The following DOCK7 variants were observed in gnomAD, a reference collection of about 807,000 sequenced individuals.
DOCK7 encodes dedicator of cytokinesis protein 7.
Under a neutral mutation model 271.0 loss-of-function variants are expected in DOCK7, and 138 were observed. The observed-to-expected ratio is 0.51, with a 90% CI of 0.44 to 0.59. The LOEUF is 0.59. Among genes scored for constraint, DOCK7 ranks in the 20% least tolerant of loss-of-function variants. DOCK7 has a pLI of 0.00. For synonymous variants in DOCK7, 823 were observed against 876.1 expected (o/e 0.94, Z 1.07); for missense variants, 2,066 against 2,592.4 (o/e 0.80, Z 4.41).
intron 14 of DOCK7, among the ~76,000 whole-genome samples, chr1:62,613,435 G>C (rs761753661): frequency 1.3e-5 from 2 of 152,026 alleles, no homozygotes; most frequent in Non-Finnish European, 2.9e-5. Flanking sequence ...GGAGGCGCGG[G>C]GAACGACAGA....
In DOCK7 at chr1:62,528,295, A is replaced by T. The variant is rs1465897501; in HGVS notation, c.3792T>A (p.Asn1264Lys). The T allele has an allele frequency of 6.2e-7, 1 of 1,608,854 alleles. No individual in the cohort carries two copies. Among genetic ancestry groups the T allele is most frequent in the East Asian group, 2.2e-5 (1 of 44,728 alleles). ...CTATACAAATTGGTCTTCCTCGTTG[A>T]TTGTGAGTTTCTAAAGAAAAATAAT... is the stretch of plus-strand genomic sequence containing the variant. Reference protein sequence around the residue: ...PQLYDFTETHNQRGRPICIAT... With the variant: ...PQLYDFTETHKQRGRPICIAT... The change falls in exon 31 of 50, where the codon AAT becomes AAA. Residue 1264 changes from asparagine to lysine, a missense_variant. Transcript: ENST00000635253.
chr1:62,524,492 A>C lies in DOCK7; in HGVS notation c.3936+3659T>G, dbSNP rs545267746. 5.2e-4 allele frequency among the ~76,000 whole-genome samples: 79 copies of C among 152,358 alleles called. 2 individuals carry two copies. In the South Asian group the frequency reaches 0.015, roughly 29 times the overall value. On this transcript the variant is annotated intron_variant, in intron 31 of 49. Coordinates refer to ENST00000635253, the MANE Select transcript of DOCK7 (RefSeq NM_001367561.1). ...CATGCACCTATCAACAGAATGGGCAAATAAACTGATTTATAGTTAGACAAT... is the reference window on the plus strand; with the variant it reads ...CATGCACCTATCAACAGAATGGGCACATAAACTGATTTATAGTTAGACAAT...
intron 28 of DOCK7, 70 bp from the exon 29 acceptor site, chr1:62,535,702 T>A (rs981800051): frequency 6.3e-6 from 9 of 1,428,522 alleles, no homozygotes; most frequent in South Asian, 3.0e-5. Flanking sequence ...CAGAGCAATA[T>A]AAGAAATGAA....
At chr1:62,625,679 T>C (rs991178739) in intron 11 of DOCK7, among the ~76,000 whole-genome samples, 7 of 152,242 alleles carry the variant, frequency 4.6e-5, no homozygotes, top group Non-Finnish European at 8.8e-5. Context: ...ATAGAGGAAG[T>C]ATGCATTTAC....
rs1286457661 is a variant in DOCK7 at position 62,553,342 on chromosome 1, ATATATATATATATTTTTTTTTTTTTTTT to A, written c.2597-469_2597-442del. On this transcript the variant is annotated intron_variant, in intron 21 of 49. Transcript: ENST00000635253. ...TATATATATATATATATATATATAT[ATATATATATATATTTTTTTTTTTTTTTT>A]TTTTTTTTTTTTTTTAATAGGCAGG... Among the ~76,000 whole-genome samples the A allele has an allele frequency of 2.0e-3, 67 of 33,036 alleles. 3 individuals are homozygous for A. The highest frequency in any genetic ancestry group is 8.4e-3 in the South Asian group (6 of 718). 21.7% of individuals were successfully genotyped at this position (33,036 alleles called of 152,430 possible). A position where few individuals can be genotyped will look rare whatever the true frequency, so the allele number is the denominator to read the frequency against.
rs1434134905 is a variant in DOCK7 at position 62,513,442 on chromosome 1, AC to A, written c.4282+1del. On this transcript the variant is annotated splice_donor_variant, in intron 33 of 49. Coordinates refer to ENST00000635253, the MANE Select transcript of DOCK7 (RefSeq NM_001367561.1). LOFTEE classifies it high-confidence loss of function. ...ACTCAAGGAAATTGAAGAAATTCTC[AC>A]CAGGAGGAGAAGCTATTGTGTACGT... The A allele has an allele frequency of 6.3e-7, 1 of 1,586,594 alleles. No homozygotes were observed. Among genetic ancestry groups the A allele is most frequent in the East Asian group, 2.2e-5 (1 of 44,712 alleles).
chr1:62,630,775 AT>A (rs1654524688), intron 11 of DOCK7, among the ~76,000 whole-genome samples: 1 of 152,174 alleles, frequency 6.6e-6, no homozygotes, highest in Non-Finnish European at 1.5e-5. Context: ...CTTATATGGT[AT>A]GTGAATTATA....
intron 14 of DOCK7, chr1:62,600,965 C>A: frequency 4.4e-6 from 3 of 682,360 alleles, no homozygotes; most frequent in South Asian, 3.3e-5. Flanking sequence ...AAATATCAAA[C>A]ACCGTTATAA....
intron 14 of DOCK7, among the ~76,000 whole-genome samples, chr1:62,599,593 AT>A (rs1410600296): frequency 6.6e-6 from 1 of 151,838 alleles, no homozygotes; most frequent in African/African-American, 2.4e-5. Flanking sequence ...GAATACAGGG[AT>A]TTTTTCCATT....
At chr1:62,606,829 C>A (rs1424038892) in intron 14 of DOCK7, among the ~76,000 whole-genome samples, 1 of 152,094 alleles carries the variant, frequency 6.6e-6, no homozygotes, top group African/African-American at 2.4e-5. Flanking sequence ...ATATTCATCC[C>A]AAGTCTCTTT....
chr1:62,598,078 G>A, intron 14 of DOCK7: 3 of 1,566,220 alleles, frequency 1.9e-6, no homozygotes, highest in Non-Finnish European at 2.6e-6. Context: ...AGAAAATAAA[G>A]AGGGTTCATG....
chr1:62,503,089 A>C (rs1473430943), intron 37 of DOCK7, among the ~76,000 whole-genome samples: 1 of 152,208 alleles, frequency 6.6e-6, no homozygotes, highest in Non-Finnish European at 1.5e-5. Context: ...ATTCCAAAGG[A>C]GAAAAACTCT....
At chr1:62,543,597 A>G in intron 24 of DOCK7, 59 bp downstream of exon 24, 1 of 1,286,400 alleles carries the variant, frequency 7.8e-7, no homozygotes, top group Non-Finnish European at 1.1e-6. Context: ...GAAATCTTAC[A>G]TCTATTTAAT....
chr1:62,633,552 G>A lies in DOCK7; in HGVS notation c.1062C>T (p.Asp354=), dbSNP rs1428427577. The A allele has an allele frequency of 1.2e-6, 2 of 1,612,976 alleles. No individual in the cohort carries two copies. The highest frequency in any genetic ancestry group is 1.7e-6 in the Non-Finnish European group (2 of 1,179,554). Reference sequence around the variant, plus strand: ...TATATGGTTCTGCACACTCTCCAATGTCTCCTTGCTGTAGGACTTTTTCTA... The same window carrying A: ...TATATGGTTCTGCACACTCTCCAATATCTCCTTGCTGTAGGACTTTTTCTA... ...IKLEKVLQQG[D]IGECAEPYMI... Residue 354 remains aspartate (D), a synonymous_variant, in exon 10 of 50, where the codon GAC becomes GAT. Coordinates refer to ENST00000635253, the MANE Select transcript of DOCK7 (RefSeq NM_001367561.1).
chr1:62,492,765 T>C lies in DOCK7; in HGVS notation c.5300A>G (p.Lys1767Arg). ...CACAAGTCCTGACTCAGTAAAGTAT[T>C]TTCCAGAGCAGATACCTTCTTCATC... ...SPDEEGICSG[K>R]YFTESGLVGL... Residue 1767 changes from lysine (K) to arginine (R), a missense_variant, in exon 41 of 50, where the codon AAA becomes AGA. Around this residue, in one of 2 missense-constraint regions of DOCK7, gnomAD observed 652 missense variants for 922.1 expected, o/e 0.71. Transcript: ENST00000635253. The C allele has an allele frequency of 1.2e-6, 2 of 1,614,124 alleles. No homozygotes were observed. The highest frequency in any genetic ancestry group is 1.7e-6 in the Non-Finnish European group (2 of 1,179,994).
chr1:62,680,502 C>T (rs924451421), intron 1 of DOCK7, among the ~76,000 whole-genome samples: 1 of 151,264 alleles, frequency 6.6e-6, no homozygotes, highest in Admixed American at 6.6e-5. Context: ...TCTAAAACAC[C>T]AAAAGCAATG....
intron 37 of DOCK7, among the ~76,000 whole-genome samples, 154 bp from the exon 38 acceptor site, chr1:62,496,651 T>C (rs1646631572): frequency 6.6e-6 from 1 of 152,202 alleles, no homozygotes; most frequent in African/African-American, 2.4e-5. Context: ...AATCTTATTT[T>C]AGAAAGGTTG....
intron 16 of DOCK7, among the ~76,000 whole-genome samples, chr1:62,580,029 C>A (rs958463840): frequency 6.6e-6 from 1 of 152,018 alleles, no homozygotes; most frequent in African/African-American, 2.4e-5. Context: ...AGGGATAAAA[C>A]CTTAGCATCC....
At chr1:62,688,076 A>T (rs902000054) in intron 1 of DOCK7, 151 bp downstream of exon 1, 1 of 1,014,240 alleles carries the variant, frequency 9.9e-7, no homozygotes, top group Non-Finnish European at 1.2e-6. Flanking sequence ...CCCCTCAGCC[A>T]CCCCGAACCC....
Sources: gnomAD v4.1 joint callset for allele counts (sites outside exome capture counted in the v4.1 genomes callset) on GRCh38, gnomAD v4.1.1 for gene constraint, gnomAD v4.1.1 regional missense constraint, MANE v1.5 for transcripts, NCBI Gene and HGNC (gene_info 2026-07-23, HGNC 2026-07-21) for gene names.